The following ADAM12 variants were observed in gnomAD, a reference collection of about 807,000 sequenced individuals.
The protein encoded by ADAM12 is disintegrin and metalloproteinase domain-containing protein 12.
ADAM12 carries 70 observed loss-of-function variants against 106.4 expected under a neutral mutation model. That is an observed-to-expected ratio of 0.66 (90% CI 0.54 to 0.80). The LOEUF (loss-of-function observed/expected upper bound fraction) is 0.80. Ranked by LOEUF, ADAM12 falls within the 30% of genes least tolerant of loss-of-function variation. ADAM12 has a pLI of 0.00. For synonymous variants in ADAM12, 420 were observed against 433.5 expected, an observed-to-expected ratio of 0.97 and a Z score of 0.39; for missense variants, 1,010 against 1,171.9, an observed-to-expected ratio of 0.86 and a Z score of 2.02.
intron 3 of ADAM12, among the ~76,000 whole-genome samples, chr10:126,204,605 A>G (rs1957762733): frequency 6.6e-6 from 1 of 152,214 alleles, no homozygotes; most frequent in South Asian, 2.1e-4. Context: ...TCTATGAGTA[A>G]CTCAAGAGAC....
chr10:126,017,260 G>C lies in ADAM12; in HGVS notation c.*19C>G. 6.3e-7 allele frequency: 1 copy of C among 1,580,218 alleles called. No homozygotes were observed. The highest frequency in any genetic ancestry group is 1.2e-5 in the South Asian group (1 of 85,982). On this transcript the variant is annotated 3_prime_UTR_variant, in exon 23 of 23. Transcript: ENST00000448723. ...AGTGCAAACTTCTGTCTTCACTGTT[G>C]AAAAAAGGTGTCGGCTTCTCACTTA...
chr10:126,187,253 C>T (rs369077220), intron 3 of ADAM12, among the ~76,000 whole-genome samples: 8 of 151,950 alleles, frequency 5.3e-5, no homozygotes, highest in Non-Finnish European at 1.2e-4. Flanking sequence ...CCACTCTGAT[C>T]GTCTCTGCAT....
At chr10:126,188,245 A>G (rs1957434300) in intron 3 of ADAM12, among the ~76,000 whole-genome samples, 1 of 152,218 alleles carries the variant, frequency 6.6e-6, no homozygotes, top group African/African-American at 2.4e-5. Context: ...AGTGGAATCT[A>G]AGCTTTTACA....
At chr10:126,209,597 G>C (rs778405250) in intron 3 of ADAM12, among the ~76,000 whole-genome samples, 5 of 152,130 alleles carry the variant, frequency 3.3e-5, no homozygotes, top group Non-Finnish European at 5.9e-5. Flanking sequence ...ACTCTGTTGA[G>C]TTTAGGGCAA....
chr10:126,271,553 C>A (rs1419543706), intron 3 of ADAM12, among the ~76,000 whole-genome samples: 1 of 152,138 alleles, frequency 6.6e-6, no homozygotes, highest in Non-Finnish European at 1.5e-5. Flanking sequence ...TTGCTTGAGG[C>A]CAGGAGCTCA....
chr10:126,313,818 T>G (rs1279819503), intron 2 of ADAM12, among the ~76,000 whole-genome samples: 1 of 152,036 alleles, frequency 6.6e-6, no homozygotes, highest in African/African-American at 2.4e-5. Context: ...AAGGCAGACA[T>G]TAAACGAGGA....
At chr10:126,142,969 A>C (rs1956542760) in intron 4 of ADAM12, among the ~76,000 whole-genome samples, 2 of 151,062 alleles carry the variant, frequency 1.3e-5, no homozygotes, top group Admixed American at 6.6e-5. Flanking sequence ...TGTGTATATC[A>C]GTGTGCATGT....
chr10:126,166,954 A>C (rs898325), intron 3 of ADAM12, among the ~76,000 whole-genome samples: 122,754 of 152,146 alleles, frequency 0.81, 49,667 homozygotes, highest in Middle Eastern at 0.92. Context: ...TTCTCTCAGA[A>C]TGAATCGCAA....
intron 6 of ADAM12, among the ~76,000 whole-genome samples, chr10:126,111,570 T>G (rs1046582752): frequency 3.9e-5 from 6 of 152,218 alleles, no homozygotes; most frequent in African/African-American, 1.4e-4. Flanking sequence ...TCTGGTTGTT[T>G]AGACGTTTAC....
chr10:126,095,533 C>CCA (rs1565052628), intron 10 of ADAM12, among the ~76,000 whole-genome samples: 2 of 46,576 alleles, frequency 4.3e-5, no homozygotes, highest in Admixed American at 3.1e-4. Flanking sequence ...GACTCTGTCT[C>CCA]AAAAAAAAAA....
At chr10:126,264,735 G>A (rs1428813702) in intron 3 of ADAM12, among the ~76,000 whole-genome samples, 1 of 151,400 alleles carries the variant, frequency 6.6e-6, no homozygotes, top group Non-Finnish European at 1.5e-5. Context: ...TTTGTTTTTT[G>A]TTTTTTTTAA....
At chr10:126,198,990 A>G (rs1957648612) in intron 3 of ADAM12, among the ~76,000 whole-genome samples, 1 of 152,162 alleles carries the variant, frequency 6.6e-6, no homozygotes, top group African/African-American at 2.4e-5. Flanking sequence ...GGTAGGCTTG[A>G]GCAGAAGGCC....
chr10:126,200,580 T>C (rs1957680111), intron 3 of ADAM12, among the ~76,000 whole-genome samples: 1 of 152,114 alleles, frequency 6.6e-6, no homozygotes, highest in South Asian at 2.1e-4. Flanking sequence ...ATATAATGGT[T>C]CCCACACTGT....
At chr10:126,327,366 T>G (rs2133845876) in intron 2 of ADAM12, among the ~76,000 whole-genome samples, 1 of 152,330 alleles carries the variant, frequency 6.6e-6, no homozygotes, top group Admixed American at 6.5e-5. Flanking sequence ...GCCCCCTTTC[T>G]TTAGGTTCCC....
intron 3 of ADAM12, among the ~76,000 whole-genome samples, chr10:126,252,136 AGGATGGAT>A (rs1565169260): frequency 2.2e-5 from 3 of 137,244 alleles, no homozygotes; most frequent in African/African-American, 8.1e-5. Context: ...ATGGATGGAC[AGGATGGAT>A]GGGTGGATGG....
intron 3 of ADAM12, among the ~76,000 whole-genome samples, chr10:126,158,269 G>A (rs1194411834): frequency 6.6e-6 from 1 of 152,124 alleles, no homozygotes. Context: ...AGAGCACAGG[G>A]AGAGAATGCA....
chr10:126,224,224 G>C (rs529550126), intron 3 of ADAM12, among the ~76,000 whole-genome samples: 1 of 152,122 alleles, frequency 6.6e-6, no homozygotes, highest in Non-Finnish European at 1.5e-5. Flanking sequence ...CCCTGTCTCC[G>C]GGGTTAGAGC....
chr10:126,222,725 T>C (rs531510144), intron 3 of ADAM12, among the ~76,000 whole-genome samples: 1 of 152,164 alleles, frequency 6.6e-6, no homozygotes, highest in South Asian at 2.1e-4. Flanking sequence ...CTGATTTCAA[T>C]TTTCAGGAAT....
intron 1 of ADAM12, among the ~76,000 whole-genome samples, chr10:126,345,961 A>C (rs1855123122): frequency 6.6e-6 from 1 of 152,080 alleles, no homozygotes; most frequent in South Asian, 2.1e-4. Flanking sequence ...TGATCCTTTC[A>C]AAAAGCCAGC....
Sources: gnomAD v4.1 joint callset for allele counts (sites outside exome capture counted in the v4.1 genomes callset) on GRCh38, gnomAD v4.1.1 for gene constraint, MANE v1.5 for transcripts, NCBI Gene and HGNC (gene_info 2026-07-23, HGNC 2026-07-21) for gene names.